GRAMD2B: variants seen among roughly 807,000 people sequenced by gnomAD.
GRAMD2B encodes the protein GRAM domain-containing protein 2B.
A neutral mutation model predicts 59.2 loss-of-function variants in GRAMD2B; 41 were observed. The observed-to-expected ratio is 0.69, with a 90% CI of 0.54 to 0.90. The LOEUF (loss-of-function observed/expected upper bound fraction) is 0.90, where lower values mean the gene tolerates loss of function less well. Ranked by LOEUF, GRAMD2B falls within the 40% of genes least tolerant of loss-of-function variation. The probability of loss-of-function intolerance (pLI) is 0.00; values close to 1 mark genes in which losing one functional copy is unlikely to be tolerated. For missense variants in GRAMD2B, 424 were observed against 500.5 expected, an observed-to-expected ratio of 0.85 and a Z score of 1.46; for synonymous variants, 161 against 182.7, an observed-to-expected ratio of 0.88 and a Z score of 0.96.
At chr5:126,392,138 C>T (rs965193957) in intron 1 of GRAMD2B, among the ~76,000 whole-genome samples, 3 of 152,106 alleles carry the variant, frequency 2.0e-5, no homozygotes, top group African/African-American at 7.2e-5. Flanking sequence ...TTTCTCTTTT[C>T]ACTAAAATTG....
At position 126,416,492 on chromosome 5, in the gene GRAMD2B, A is replaced by C. The variant is rs965387485; in HGVS notation, c.125+44925A>C. Among the ~76,000 whole-genome samples the C allele has an allele frequency of 2.0e-5, 3 of 152,322 alleles. No homozygotes were observed. In the East Asian group the frequency reaches 5.8e-4, roughly 29 times the overall value. On this transcript the variant is annotated intron_variant, in intron 1 of 8. Transcript: ENST00000506445. ...AAATATTTATTGAGCATCTAACATG[A>C]ACTAGACTCTGTGAACACAGGAACG...
intron 2 of GRAMD2B, among the ~76,000 whole-genome samples, chr5:126,469,452 G>A (rs1479164790): frequency 2.6e-5 from 4 of 152,178 alleles, no homozygotes; most frequent in East Asian, 3.9e-4. Flanking sequence ...GACCAGTCTG[G>A]GCAACGTGGT....
In GRAMD2B at chr5:126,439,328, C is replaced by CTTTTTTT. The variant is rs930960414; in HGVS notation, c.83+15650_83+15656dup. ...ATTGTTTCTTTGTTTTTTGGTTTTG[C>CTTTTTTT]TTTTTTTTTTTTTTTTTGGAGACAG... On this transcript the variant is annotated intron_variant, in intron 1 of 13. Transcript: ENST00000285689. 2.5e-3 allele frequency among the ~76,000 whole-genome samples: 305 copies of CTTTTTTT among 122,526 alleles called. 10 individuals carry two copies. The highest frequency in any genetic ancestry group is 1.0e-2 in the African/African-American group (291 of 29,244). The allele number at this position is 122,526 out of a possible 152,430, so 80.4% of individuals were successfully genotyped here. A position where few individuals can be genotyped will look rare whatever the true frequency, so the allele number is the denominator to read the frequency against.
chr5:126,484,322 G>T, intron 9 of GRAMD2B, 80 bp from the exon 10 acceptor site: 1 of 1,484,840 alleles, frequency 6.7e-7, no homozygotes, highest in East Asian at 2.3e-5. Flanking sequence ...GCATGTTAAG[G>T]GATTGATTTA....
intron 1 of GRAMD2B, among the ~76,000 whole-genome samples, chr5:126,385,062 C>A (rs756245070): frequency 2.6e-5 from 4 of 152,156 alleles, no homozygotes; most frequent in Non-Finnish European, 5.9e-5. Flanking sequence ...TGAATGAAGA[C>A]CTTCCCTGTT....
chr5:126,420,054 C>CAA (rs386404926), upstream of GRAMD2B, among the ~76,000 whole-genome samples: 72,311 of 103,496 alleles, frequency 0.7, 25,486 homozygotes, highest in Non-Finnish European at 0.74. Context: ...GACTCTTTCT[C>CAA]AAAAAAAAAA....
At chr5:126,411,811 T>A (rs1315973052) in intron 1 of GRAMD2B, among the ~76,000 whole-genome samples, 2 of 149,120 alleles carry the variant, frequency 1.3e-5, no homozygotes, top group African/African-American at 2.5e-5. Context: ...CTTGTAGAGA[T>A]CTTTCACCAC....
chr5:126,396,202 G>A (rs10478738), intron 1 of GRAMD2B, among the ~76,000 whole-genome samples: 1 of 152,066 alleles, frequency 6.6e-6, no homozygotes, highest in South Asian at 2.1e-4. Context: ...TTAAGTTCAG[G>A]GGTACATGTG....
upstream of GRAMD2B, among the ~76,000 whole-genome samples, chr5:126,367,809 T>G (rs569928499): frequency 6.6e-6 from 1 of 152,350 alleles, no homozygotes; most frequent in Non-Finnish European, 1.5e-5. Flanking sequence ...TGGACTGCAG[T>G]GGCGCCATCT....
At chr5:126,399,549 C>T (rs1357563363) in intron 1 of GRAMD2B, among the ~76,000 whole-genome samples, 7 of 152,132 alleles carry the variant, frequency 4.6e-5, no homozygotes, top group Non-Finnish European at 7.4e-5. Flanking sequence ...CCTTCGCCTT[C>T]CACCATGATT....
intron 1 of GRAMD2B, among the ~76,000 whole-genome samples, chr5:126,416,817 C>A (rs1759304177): frequency 6.6e-6 from 1 of 152,188 alleles, no homozygotes; most frequent in Admixed American, 6.5e-5. Context: ...GCCAAGATGT[C>A]ACCTCTCAAA....
chr5:126,431,873 C>T lies in GRAMD2B; in HGVS notation c.83+8184C>T, dbSNP rs528614737. 8.5e-5 allele frequency among the ~76,000 whole-genome samples: 13 copies of T among 152,260 alleles called. 1 individual carries two copies. The East Asian group carries it at 2.5e-3, about 29-fold the overall frequency. On this transcript the variant is annotated intron_variant, in intron 1 of 13. Transcript: ENST00000285689. ...CTCTGTATTCTATTCCATGTCTTGT[C>T]TCAGGCAATGAGATGAGGTTTTGAC...
chr5:126,451,432 T>A (rs1052145330), intron 1 of GRAMD2B, among the ~76,000 whole-genome samples: 1 of 152,172 alleles, frequency 6.6e-6, no homozygotes, highest in Non-Finnish European at 1.5e-5. Flanking sequence ...CCTTGCTGGG[T>A]TTCAGACCTG....
Position 126,469,769 on chromosome 5 carries a change from A to T in GRAMD2B, c.296A>T (p.Lys99Met). ...SKNDPKTERK[K>M]SSSSSQYKAN... is the part of the protein sequence containing the mutation. ...AATGACCCTAAGACTGAAAGAAAAAAGTCTTCATCTTCCAGCCAGGTAATT... is the reference window on the plus strand; with the variant it reads ...AATGACCCTAAGACTGAAAGAAAAATGTCTTCATCTTCCAGCCAGGTAATT... The change falls in exon 3 of 14, where the codon AAG (lysine) becomes ATG (methionine). Residue 99 changes from lysine (K) to methionine (M), a missense_variant. Transcript: ENST00000285689. 1 of 1,611,940 alleles carries T rather than the reference A, an allele frequency of 6.2e-7. No individual in the cohort carries two copies. Among genetic ancestry groups the T allele is most frequent in the Non-Finnish European group, 8.5e-7 (1 of 1,178,276 alleles).
chr5:126,445,779 G>T (rs1228554094), intron 1 of GRAMD2B, among the ~76,000 whole-genome samples: 10 of 152,242 alleles, frequency 6.6e-5, no homozygotes, highest in African/African-American at 2.4e-4. Flanking sequence ...TTCCTTTCAT[G>T]CTGATTCGTG....
chr5:126,464,307 T>C (rs1561562562), intron 1 of GRAMD2B, among the ~76,000 whole-genome samples: 1 of 152,238 alleles, frequency 6.6e-6, no homozygotes, highest in Non-Finnish European at 1.5e-5. Flanking sequence ...AACATGTCTT[T>C]CTTTAGGCTC....
At chr5:126,403,500 T>C (rs1035429839) in intron 1 of GRAMD2B, among the ~76,000 whole-genome samples, 6 of 151,980 alleles carry the variant, frequency 3.9e-5, no homozygotes, top group African/African-American at 4.8e-5. Flanking sequence ...TGCTCAGAAA[T>C]ATTTATTGAG....
upstream of GRAMD2B, among the ~76,000 whole-genome samples, chr5:126,421,537 C>T (rs887312351): frequency 3.9e-5 from 6 of 152,174 alleles, no homozygotes; most frequent in African/African-American, 1.4e-4. Flanking sequence ...TAGCACAGCT[C>T]CTATAGCAAA....
At chr5:126,421,711 A>G (rs1759742421), upstream of GRAMD2B, among the ~76,000 whole-genome samples, 1 of 152,242 alleles carries the variant, frequency 6.6e-6, no homozygotes, top group African/African-American at 2.4e-5. Flanking sequence ...GCCTAATGAT[A>G]TATATGTAAA....
Sources: allele counts gnomAD v4.1 joint callset (sites outside exome capture counted in the v4.1 genomes callset), GRCh38; gene constraint gnomAD v4.1.1; transcripts MANE v1.5; gene names NCBI Gene and HGNC (gene_info 2026-07-23, HGNC 2026-07-21).